CDC37: variants seen among roughly 807,000 people sequenced by gnomAD.
CDC37 encodes the protein hsp90 co-chaperone Cdc37.
A neutral mutation model predicts 46.9 loss-of-function variants in CDC37; 9 were observed. The observed-to-expected ratio is 0.19, with a 90% CI of 0.12 to 0.33. The LOEUF (loss-of-function observed/expected upper bound fraction) is 0.33. Ranked by LOEUF, CDC37 falls within the 10% of genes least tolerant of loss-of-function variation. The pLI is 1.00. For missense variants in CDC37, 388 were observed against 514.6 expected (o/e 0.75, Z 2.38); for synonymous variants, 193 against 191.0 (o/e 1.01, Z -0.09).
At position 10,398,259 on chromosome 19, in the gene CDC37, G is replaced by A. The variant is rs543473078; in HGVS notation, c.103-2056C>T. ...TCCCAGGCAGATACTGGCCCTCATC[G>A]TTCCCCGAAAGTACGGGCTCTGTCT... On this transcript the variant is annotated intron_variant, in intron 1 of 7. Coordinates refer to ENST00000222005, the MANE Select transcript of CDC37 (RefSeq NM_007065.4). The surrounding 1 kb of genome is among the most constrained non-coding windows in gnomAD (Gnocchi z 4.2). Among the ~76,000 whole-genome samples, 23 of 152,296 alleles carry A rather than the reference G, an allele frequency of 1.5e-4. No individual in the cohort carries two copies. The highest frequency in any genetic ancestry group is 1.2e-3 in the South Asian group (6 of 4,826).
rs1224759231 is a variant in CDC37 at position 10,395,324 on chromosome 19, A to G, written c.507T>C (p.Asp169=). Residue 169 remains aspartate, a synonymous_variant, in exon 4 of 8, where the codon GAT becomes GAC. Coordinates refer to ENST00000222005, the MANE Select transcript of CDC37 (RefSeq NM_007065.4). ...IKHFGMLRRW[D]DSQKYLSDNV... is the part of the protein sequence containing the mutation. ...TGTCTGACAGGTACTTTTGGCTGTC[A>G]TCCCAGCGGCGAAGCATGCCTGTGG... is the stretch of plus-strand genomic sequence containing the variant. 6.2e-7 allele frequency: 1 copy of G among 1,614,028 alleles called. No individual in the cohort carries two copies. Among genetic ancestry groups the G allele is most frequent in the African/African-American group, 1.3e-5 (1 of 74,936 alleles).
Position 10,393,077 on chromosome 19 carries a change from G to A in CDC37, c.981+9C>T, listed in dbSNP as rs552864786. ...CGCCGGGAAGGCATGGGGCGCGGGG[G>A]TTACTCACGGTGGGGTCCATCTTGC... On this transcript the variant is annotated intron_variant, in intron 7 of 7. Coordinates refer to ENST00000222005, the MANE Select transcript of CDC37 (RefSeq NM_007065.4). This position sits in a 1 kb window ranked among gnomAD's most constrained non-coding sequence, Gnocchi z 4.9. The A allele has an allele frequency of 6.2e-7, 1 of 1,612,748 alleles. No homozygotes were observed. The highest frequency in any genetic ancestry group is 8.5e-7 in the Non-Finnish European group (1 of 1,178,884).
chr19:10,397,112 T>C (rs1388496472), intron 1 of CDC37, among the ~76,000 whole-genome samples: 1 of 152,204 alleles, frequency 6.6e-6, no homozygotes, highest in African/African-American at 2.4e-5. Context: ...GACAATTATT[T>C]ATCACGTTTT....
At position 10,393,173 on chromosome 19, in the gene CDC37, G is replaced by T. The variant is rs1225425726; in HGVS notation, c.910-16C>A. On this transcript the variant is annotated splice_polypyrimidine_tract_variant and intron_variant, in intron 6 of 7. Transcript: ENST00000222005. The surrounding 1 kb of genome is among the most constrained non-coding windows in gnomAD (Gnocchi z 4.9). ...TCTGGAGTTCCTGGGGGTACAGAGG[G>T]GCTGGGGTCAGGGGCTGGGTCCCTG... is the stretch of plus-strand genomic sequence containing the variant. 1 of 1,613,358 alleles carries T rather than the reference G, an allele frequency of 6.2e-7. No homozygotes were observed. The highest frequency in any genetic ancestry group is 2.2e-5 in the East Asian group (1 of 44,888).
In CDC37 at chr19:10,393,634, C is replaced by G; in HGVS notation, c.727-193G>C. 1 of 584,060 alleles carries G rather than the reference C, an allele frequency of 1.7e-6. No homozygotes were observed. Among genetic ancestry groups the G allele is most frequent in the East Asian group, 2.9e-5 (1 of 34,092 alleles). 36.2% of individuals were successfully genotyped at this position (584,060 alleles called of 1,614,324 possible). A position where few individuals can be genotyped will look rare whatever the true frequency, so the allele number is the denominator to read the frequency against. On this transcript the variant is annotated intron_variant, in intron 5 of 7. Transcript: ENST00000222005. The surrounding 1 kb of genome is among the most constrained non-coding windows in gnomAD (Gnocchi z 4.9). ...TCATCTGGCATTTGCCAAAGACCAC[C>G]TGCTTGGGAGCCCTGCTCTACTGCA...
Position 10,393,154 on chromosome 19 carries a change from G to C in CDC37, c.913C>G (p.Leu305Val). The change falls in exon 7 of 8, where the codon CTC becomes GTC. Residue 305 changes from leucine (L) to valine (V), a missense_variant. This residue lies in a region of CDC37 where 374 missense variants were observed against 467.4 expected (regional missense o/e 0.80). Coordinates refer to ENST00000222005, the MANE Select transcript of CDC37 (RefSeq NM_007065.4). This position sits in a 1 kb window ranked among gnomAD's most constrained non-coding sequence, Gnocchi z 4.9. ...VEVYESLPEE[L>V]QKCFDVKDVQ... ...TCCTTCACATCGAAGCACTTCTGGA[G>C]TTCCTGGGGGTACAGAGGGGCTGGG... 1 of 1,613,978 alleles carries C rather than the reference G, an allele frequency of 6.2e-7. No individual in the cohort carries two copies. Among genetic ancestry groups the C allele is most frequent in the Non-Finnish European group, 8.5e-7 (1 of 1,179,938 alleles).
Position 10,394,703 on chromosome 19 carries a change from A to G in CDC37, c.726+318T>C, listed in dbSNP as rs573116509. Among the ~76,000 whole-genome samples, 260 of 151,806 alleles carry G rather than the reference A, an allele frequency of 1.7e-3. 2 individuals carry two copies. The highest frequency in any genetic ancestry group is 6.1e-3 in the African/African-American group (253 of 41,372). On this transcript the variant is annotated intron_variant, in intron 5 of 7. Coordinates refer to ENST00000222005, the MANE Select transcript of CDC37 (RefSeq NM_007065.4). ...AGGCACACACCACCATGCCCGGCTAATTTTGTATTTTCAGTAGAGATGAGG... is the reference window on the plus strand; with the variant it reads ...AGGCACACACCACCATGCCCGGCTAGTTTTGTATTTTCAGTAGAGATGAGG...
rs1443283249 is a variant in CDC37, at chr19:10,398,965, A to G, written c.103-2762T>C. Among the ~76,000 whole-genome samples, 1 of 152,088 alleles carries G rather than the reference A, an allele frequency of 6.6e-6. No individual in the cohort carries two copies. The highest frequency in any genetic ancestry group is 1.9e-4 in the East Asian group (1 of 5,188). Reference sequence around the variant, plus strand: ...TAACTCTATGGAAAATGCTTCCAAAACAGCCCTCAGTAGGTGTGTCCCACT... The same window carrying G: ...TAACTCTATGGAAAATGCTTCCAAAGCAGCCCTCAGTAGGTGTGTCCCACT... On this transcript the variant is annotated intron_variant, in intron 1 of 7. Transcript: ENST00000222005. The surrounding 1 kb of genome is among the most constrained non-coding windows in gnomAD (Gnocchi z 4.2).
chr19:10,399,951 A>AAAAAAAAAAAAAAAAAAAAAAAC (rs2042510341), intron 1 of CDC37, among the ~76,000 whole-genome samples: 1 of 149,066 alleles, frequency 6.7e-6, no homozygotes, highest in Non-Finnish European at 1.5e-5. Flanking sequence ...AAAAAAAAAA[A>AAAAAAAAAAAAAAAAAAAAAAAC]AAAAAGCAGC....
rs1457831182 is a variant in CDC37, at chr19:10,398,596, A to C, written c.103-2393T>G. On this transcript the variant is annotated intron_variant, in intron 1 of 7. Transcript: ENST00000222005. This position sits in a 1 kb window ranked among gnomAD's most constrained non-coding sequence, Gnocchi z 4.2. ...CACAAGCTCATATTGGAAGAAACTA[A>C]GGAGATGATTAGAGTAAAATGTCCC... Among the ~76,000 whole-genome samples, 1 of 152,208 alleles carries C rather than the reference A, an allele frequency of 6.6e-6. No individual in the cohort carries two copies. Among genetic ancestry groups the C allele is most frequent in the Non-Finnish European group, 1.5e-5 (1 of 68,036 alleles).
chr19:10,395,899 G>A, intron 2 of CDC37, 29 bp downstream of exon 2: 2 of 1,597,040 alleles, frequency 1.3e-6, no homozygotes, highest in Non-Finnish European at 1.7e-6. Context: ...CTGCGCATGC[G>A]CACTGCCCGC....
At chr19:10,394,823 C>T (rs573912786) in intron 5 of CDC37, among the ~76,000 whole-genome samples, 198 bp downstream of exon 5, 3 of 151,444 alleles carry the variant, frequency 2.0e-5, no homozygotes, top group Admixed American at 6.6e-5. Flanking sequence ...TGAGCCACTG[C>T]GCCCGGCCTC....
Position 10,403,521 on chromosome 19 carries a change from G to T in CDC37, c.-42C>A, listed in dbSNP as rs1164269403. On this transcript the variant is annotated 5_prime_UTR_variant, in exon 1 of 8. Transcript: ENST00000222005. ...AGCCCGCTCCGGCTCGGGTGGCGGC[G>T]ACGGCGGCAGCAGTGGAGACTAGGA... The T allele has an allele frequency of 2.7e-6, 4 of 1,489,212 alleles. No homozygotes were observed. Among genetic ancestry groups the T allele is most frequent in the African/African-American group, 2.8e-5 (2 of 72,646 alleles). 92.2% of individuals were successfully genotyped at this position (1,489,212 alleles called of 1,614,324 possible).
In CDC37 at chr19:10,393,444, A is replaced by G. The variant is rs912154284; in HGVS notation, c.727-3T>C. Reference sequence around the variant, plus strand: ...TCCATGTACTGGCGATCGGCTGTCTATGGGGGTTGGGCAGTGCTCACTGGA... The same window carrying G: ...TCCATGTACTGGCGATCGGCTGTCTGTGGGGGTTGGGCAGTGCTCACTGGA... On this transcript the variant is annotated splice_polypyrimidine_tract_variant and splice_region_variant and intron_variant, in intron 5 of 7. Coordinates refer to ENST00000222005, the MANE Select transcript of CDC37 (RefSeq NM_007065.4). The surrounding 1 kb of genome is among the most constrained non-coding windows in gnomAD (Gnocchi z 4.9). The G allele has an allele frequency of 3.1e-6, 5 of 1,609,648 alleles. No individual in the cohort carries two copies. Among genetic ancestry groups the G allele is most frequent in the Middle Eastern group, 2.0e-4 (1 of 5,080 alleles).
rs2042493525 is a variant in CDC37, at chr19:10,396,551, T to C, written c.103-348A>G. On this transcript the variant is annotated intron_variant, in intron 1 of 7. Transcript: ENST00000222005. The surrounding 1 kb of genome is among the most constrained non-coding windows in gnomAD (Gnocchi z 5.9). ...CTTTTCTCACCTTTTCTTGAGGCCA[T>C]TTTTTTTGTTTAAGAAAACAAAACA... Among the ~76,000 whole-genome samples, 1 of 151,890 alleles carries C rather than the reference T, an allele frequency of 6.6e-6. No individual in the cohort carries two copies. Among genetic ancestry groups the C allele is most frequent in the African/African-American group, 2.4e-5 (1 of 41,368 alleles).
At chr19:10,400,146 C>T (rs890831122) in intron 1 of CDC37, among the ~76,000 whole-genome samples, 3 of 151,946 alleles carry the variant, frequency 2.0e-5, no homozygotes, top group South Asian at 4.2e-4. Context: ...CCAGCCTGGG[C>T]TTTACACCTC....
In CDC37 at chr19:10,403,496, A is replaced by T; in HGVS notation, c.-17T>A. On this transcript the variant is annotated 5_prime_UTR_variant, in exon 1 of 8. Transcript: ENST00000222005. ...GTCCACCATCTTGCCTTGGCGGCCC[A>T]GCCCGCTCCGGCTCGGGTGGCGGCG... 17 of 1,597,868 alleles carry T rather than the reference A, an allele frequency of 1.1e-5. No individual in the cohort carries two copies. Among genetic ancestry groups the T allele is most frequent in the Non-Finnish European group, 1.5e-5 (17 of 1,167,164 alleles).
intron 5 of CDC37, among the ~76,000 whole-genome samples, chr19:10,394,302 AC>A (rs2042475962): frequency 6.6e-6 from 1 of 152,064 alleles, no homozygotes; most frequent in Non-Finnish European, 1.5e-5. Context: ...AGGCACCCTC[AC>A]CTTTGTCCTT....
intron 2 of CDC37, 75 bp downstream of exon 2, chr19:10,395,853 T>A: frequency 7.6e-7 from 1 of 1,309,158 alleles, no homozygotes; most frequent in Non-Finnish European, 1.0e-6. Context: ...TGACCAGGCA[T>A]TGGGTGCGCA....
Sources: allele counts gnomAD v4.1 joint callset (sites outside exome capture counted in the v4.1 genomes callset), GRCh38; gene constraint gnomAD v4.1.1; regional missense constraint gnomAD v4.1.1; non-coding constraint Gnocchi (gnomAD v3.1); transcripts MANE v1.5; gene names NCBI Gene and HGNC (gene_info 2026-07-23, HGNC 2026-07-21).